The following STX18 variants were observed in gnomAD, a reference collection of about 807,000 sequenced individuals.
STX18 encodes the protein syntaxin 18, also known as syntaxin-18.
STX18 carries 40 observed loss-of-function variants against 50.1 expected under a neutral mutation model. That is an observed-to-expected ratio of 0.80 (90% confidence interval 0.62 to 1.04). STX18 has a LOEUF of 1.04. STX18 is among the 50% of genes least tolerant of loss of function. STX18 has a pLI of 0.00. For missense variants in STX18, 410 were observed against 415.8 expected (o/e 0.99, Z 0.12); for synonymous variants, 158 against 151.8 (o/e 1.04, Z -0.30).
intron 5 of STX18, among the ~76,000 whole-genome samples, chr4:4,453,367 A>ATT (rs1489946150): frequency 6.6e-6 from 1 of 152,202 alleles, no homozygotes; most frequent in African/African-American, 2.4e-5. Flanking sequence ...ACCCTCAATC[A>ATT]GTCAGTAGCC....
At chr4:4,513,952 G>C (rs370747505) in intron 1 of STX18, among the ~76,000 whole-genome samples, 8 of 152,118 alleles carry the variant, frequency 5.3e-5, no homozygotes, top group Admixed American at 5.2e-4. Context: ...CGTCCTTAGC[G>C]GGGGTAAGGA....
In STX18 at chr4:4,541,957, A is replaced by G; in HGVS notation, c.8T>C (p.Val3Ala). Residue 3 changes from valine (V) to alanine (A), a missense_variant, in exon 1 of 11, where the codon GTG (valine) becomes GCG (alanine). By Grantham distance (64) the Val-to-Ala change is moderately conservative (BLOSUM62 0). Transcript: ENST00000306200. Reference sequence around the variant, plus strand: ...GGCCCGGAATAGCAGCGTGATGTCCACCGCCATAGCGACCCGCACCCTCAG... The same window carrying G: ...GGCCCGGAATAGCAGCGTGATGTCCGCCGCCATAGCGACCCGCACCCTCAG... Reference protein sequence around the residue: MAVDITLLFRASV... With the variant: MAADITLLFRASV... 2 of 1,601,782 alleles carry G rather than the reference A, an allele frequency of 1.2e-6. No homozygotes were observed. Among genetic ancestry groups the G allele is most frequent in the Non-Finnish European group, 1.7e-6 (2 of 1,175,388 alleles).
At chr4:4,449,008 T>A (rs1424601282) in intron 5 of STX18, among the ~76,000 whole-genome samples, 4 of 151,780 alleles carry the variant, frequency 2.6e-5, no homozygotes, top group African/African-American at 9.7e-5. Flanking sequence ...AAAAATATTA[T>A]TACATTACTT....
chr4:4,423,329 C>T (rs955718807), intron 9 of STX18, among the ~76,000 whole-genome samples, 189 bp downstream of exon 9: 35 of 152,344 alleles, frequency 2.3e-4, no homozygotes, highest in African/African-American at 7.5e-4. Flanking sequence ...CTCCATCACA[C>T]GTGTGCAGAG....
intron 1 of STX18, among the ~76,000 whole-genome samples, chr4:4,484,408 C>T (rs1485024584): frequency 6.6e-6 from 1 of 152,182 alleles, no homozygotes; most frequent in African/African-American, 2.4e-5. Flanking sequence ...GCTGAATTTA[C>T]ATCGACTAAA....
At chr4:4,431,629 G>C (rs1725523421) in intron 7 of STX18, among the ~76,000 whole-genome samples, 1 of 152,112 alleles carries the variant, frequency 6.6e-6, no homozygotes, top group Admixed American at 6.5e-5. Context: ...GGAGCCCATA[G>C]ACACCTCTCA....
chr4:4,489,391 A>ATTTT lies in STX18; in HGVS notation c.169-17689_169-17686dup, dbSNP rs34563523. Among the ~76,000 whole-genome samples, 39 of 51,676 alleles carry ATTTT rather than the reference A, an allele frequency of 7.5e-4. 10 individuals carry two copies. The highest frequency in any genetic ancestry group is 2.6e-3 in the South Asian group (3 of 1,154). 33.9% of individuals were successfully genotyped at this position (51,676 alleles called of 152,430 possible). On this transcript the variant is annotated intron_variant, in intron 1 of 10. Transcript: ENST00000306200. ...AGCACTTCAATACACATGCAAAATA[A>ATTTT]TTTTTTTTTTTTTTTTTTTTTTTTT...
chr4:4,456,581 G>A (rs551271963), intron 5 of STX18, among the ~76,000 whole-genome samples: 75 of 152,294 alleles, frequency 4.9e-4, no homozygotes, highest in African/African-American at 1.7e-3. Context: ...GAGCGTCAGC[G>A]TCCTTACCTG....
chr4:4,461,946 A>G lies in STX18; in HGVS notation c.237-2459T>C, dbSNP rs73796013. The G allele has an allele frequency of 9.7e-3, 4,403 of 456,092 alleles. 168 individuals carry two copies. Among genetic ancestry groups the G allele is most frequent in the African/African-American group, 0.08 (4,023 of 50,088 alleles). 28.3% of individuals were successfully genotyped at this position (456,092 alleles called of 1,614,324 possible). A position where few individuals can be genotyped will look rare whatever the true frequency, so the allele number is the denominator to read the frequency against. On this transcript the variant is annotated intron_variant, in intron 2 of 10. Coordinates refer to ENST00000306200, the MANE Select transcript of STX18 (RefSeq NM_016930.4). ...GTTCCGCTCTGTTCCTCTCTCTCCT[A>G]TGTTGCAAAGGGGCCTGTCCCTGCT... is the stretch of plus-strand genomic sequence containing the variant.
chr4:4,457,611 C>T (rs1331088422), intron 3 of STX18, 111 bp from the exon 4 acceptor site: 1 of 778,772 alleles, frequency 1.3e-6, no homozygotes, highest in Non-Finnish European at 2.1e-6. Context: ...TAAAACACAG[C>T]TATAAAACAA....
intron 1 of STX18, among the ~76,000 whole-genome samples, chr4:4,510,546 C>T (rs1005427809): frequency 2.0e-5 from 3 of 152,134 alleles, no homozygotes; most frequent in African/African-American, 7.2e-5. Flanking sequence ...CGTTTTTACA[C>T]TGTTGGTGGG....
Position 4,450,583 on chromosome 4 carries a change from C to T in STX18, c.497+6608G>A, listed in dbSNP as rs1221736296. The stretch of plus-strand genomic sequence containing the variant: ...CCTCCTAAAGTGCTAGGATTACAGG[C>T]GTGAGCCACTACATCCAGCCTCCTT... On this transcript the variant is annotated intron_variant, in intron 5 of 10. Coordinates refer to ENST00000306200, the MANE Select transcript of STX18 (RefSeq NM_016930.4). Among the ~76,000 whole-genome samples, 5 of 152,294 alleles carry T rather than the reference C, an allele frequency of 3.3e-5. No individual in the cohort carries two copies. In the East Asian group the frequency reaches 7.7e-4, roughly 24 times the overall value.
chr4:4,521,973 T>G (rs984459556), intron 1 of STX18, among the ~76,000 whole-genome samples: 1 of 152,154 alleles, frequency 6.6e-6, no homozygotes, highest in Non-Finnish European at 1.5e-5. Context: ...AGGCTCACAA[T>G]TGCAAGCTCC....
chr4:4,497,915 A>AAT (rs1234527609), intron 1 of STX18, among the ~76,000 whole-genome samples: 2 of 152,214 alleles, frequency 1.3e-5, no homozygotes, highest in African/African-American at 2.4e-5. Context: ...AAGACACAAG[A>AAT]ATGTAAGGAG....
At chr4:4,500,400 C>G (rs1464454301) in intron 1 of STX18, among the ~76,000 whole-genome samples, 4 of 152,166 alleles carry the variant, frequency 2.6e-5, no homozygotes, top group Non-Finnish European at 5.9e-5. Context: ...TTACTATTCT[C>G]TAACCAAAAC....
rs142249395 is a variant in STX18, at chr4:4,491,938, T to C, written c.169-20232A>G. ...GGTTTTGAAGTATGTCACACTCCGG[T>C]TACCCAGCCATGAATCTCAGTTCAT... is the stretch of plus-strand genomic sequence containing the variant. On this transcript the variant is annotated intron_variant, in intron 1 of 10. Coordinates refer to ENST00000306200, the MANE Select transcript of STX18 (RefSeq NM_016930.4). Among the ~76,000 whole-genome samples the C allele has an allele frequency of 1.2e-4, 19 of 152,306 alleles. No individual in the cohort carries two copies. The East Asian group carries it at 3.7e-3, about 29-fold the overall frequency.
intron 1 of STX18, among the ~76,000 whole-genome samples, chr4:4,509,967 C>T (rs957144566): frequency 4.6e-5 from 7 of 152,142 alleles, no homozygotes; most frequent in Admixed American, 4.6e-4. Flanking sequence ...CTATTAGATA[C>T]TCAGGTAACA....
intron 1 of STX18, among the ~76,000 whole-genome samples, chr4:4,501,291 C>T (rs13129540): frequency 2.2e-4 from 33 of 152,224 alleles, no homozygotes; most frequent in African/African-American, 2.9e-4. Flanking sequence ...CACATTTTTG[C>T]GACATGGTTC....
At position 4,473,118 on chromosome 4, in the gene STX18, C is replaced by T. The variant is rs554998742; in HGVS notation, c.169-1412G>A. ...CTATGATTCTTACTGTTCTCATTAA[C>T]CAGTTTGGGAAAAGCTAAGTGACTT... is the stretch of plus-strand genomic sequence containing the variant. On this transcript the variant is annotated intron_variant, in intron 1 of 10. Transcript: ENST00000306200. 2.9e-3 allele frequency among the ~76,000 whole-genome samples: 449 copies of T among 152,216 alleles called. 3 individuals are homozygous for T. The highest frequency in any genetic ancestry group is 5.3e-3 in the Non-Finnish European group (361 of 68,028).
Sources: gnomAD v4.1 joint callset for allele counts (sites outside exome capture counted in the v4.1 genomes callset) on GRCh38, gnomAD v4.1.1 for gene constraint, MANE v1.5 for transcripts, NCBI Gene and HGNC (gene_info 2026-07-23, HGNC 2026-07-21) for gene names.